ACTA2: variants seen among roughly 807,000 people sequenced by gnomAD.
ACTA2 encodes the protein actin alpha 2, smooth muscle.
In ACTA2, 12 loss-of-function variants were observed where a neutral mutation model predicts 39.5. The observed-to-expected ratio is 0.30, with a 90% CI of 0.19 to 0.49. The LOEUF is 0.49. Ranked by LOEUF, ACTA2 falls within the 20% of genes least tolerant of loss-of-function variation. The pLI is 0.99. For missense variants in ACTA2, 236 were observed against 498.8 expected (o/e 0.47, Z 5.02); for synonymous variants, 158 against 180.6 (o/e 0.88, Z 1.00).
At chr10:88,972,034 A>G (rs549449822) in intron 1 of ACTA2, among the ~76,000 whole-genome samples, 1 of 151,746 alleles carries the variant, frequency 6.6e-6, no homozygotes, top group East Asian at 1.9e-4. Flanking sequence ...TCAGTCTCCT[A>G]AGGAGCTGGG....
intron 1 of ACTA2, among the ~76,000 whole-genome samples, chr10:88,981,757 T>C (rs1010424942): frequency 6.6e-6 from 1 of 152,176 alleles, no homozygotes; most frequent in African/African-American, 2.4e-5. Flanking sequence ...TCCCAGATAC[T>C]ACGTGTTTCA....
chr10:88,942,949 T>G (rs1050739310), intron 4 of ACTA2, among the ~76,000 whole-genome samples: 2 of 152,200 alleles, frequency 1.3e-5, no homozygotes, highest in African/African-American at 4.8e-5. Flanking sequence ...TGGAAGATCG[T>G]GGATCAATCC....
intron 1 of ACTA2, among the ~76,000 whole-genome samples, chr10:88,949,631 G>A (rs1846014605): frequency 6.6e-6 from 1 of 152,176 alleles, no homozygotes. Context: ...AGTCCAACAA[G>A]TGAGGGTGAG....
At chr10:88,988,145 C>T (rs1043102464) in intron 1 of ACTA2, among the ~76,000 whole-genome samples, 3 of 152,070 alleles carry the variant, frequency 2.0e-5, no homozygotes, top group Non-Finnish European at 2.9e-5. Flanking sequence ...TTCTATTTCT[C>T]TAGAGAACCC....
At position 88,938,074 on chromosome 10, in the gene ACTA2, G is replaced by T. The variant is rs777832794; in HGVS notation, c.977C>A (p.Thr326Asn). The change falls in exon 8 of 9, where the codon ACC becomes AAC. Residue 326 changes from threonine (T) to asparagine (N), a missense_variant. Thr to Asn is a moderately conservative substitution (Grantham distance 65). Transcript: ENST00000224784. ...ACTGAACAGTACCTTGATCTTCATGGTGCTGGGTGCTAGGGCCGTGATCTC... is the reference window on the plus strand; with the variant it reads ...ACTGAACAGTACCTTGATCTTCATGTTGCTGGGTGCTAGGGCCGTGATCTC... ...QKEITALAPS[T>N]MKIKIIAPPE... 3.2e-5 allele frequency: 52 copies of T among 1,613,824 alleles called. No homozygotes were observed. The highest frequency in any genetic ancestry group is 4.2e-5 in the Non-Finnish European group (50 of 1,179,904).
intron 8 of ACTA2, among the ~76,000 whole-genome samples, chr10:88,937,574 C>A (rs972266043): frequency 6.6e-6 from 1 of 152,130 alleles, no homozygotes; most frequent in Non-Finnish European, 1.5e-5. Flanking sequence ...AAAAGATGTG[C>A]TAGACAGAGG....
chr10:88,986,903 G>T (rs1926199), intron 1 of ACTA2, among the ~76,000 whole-genome samples: 83,608 of 151,732 alleles, frequency 0.55, 24,525 homozygotes, highest in African/African-American at 0.77. Flanking sequence ...CAATGTAAAA[G>T]TAAAAATTAG....
chr10:88,972,515 C>T (rs1846470874), intron 1 of ACTA2, among the ~76,000 whole-genome samples: 1 of 151,678 alleles, frequency 6.6e-6, no homozygotes, highest in Non-Finnish European at 1.5e-5. Flanking sequence ...TTTTGTTGTT[C>T]TCTTTCTTCT....
chr10:88,989,519 C>A (rs751419200), intron 1 of ACTA2: 14 of 544,046 alleles, frequency 2.6e-5, no homozygotes, highest in Non-Finnish European at 7.3e-6. Flanking sequence ...TTCCTCATGG[C>A]ACTAACAGTC....
chr10:88,985,662 C>G (rs1846859783), intron 1 of ACTA2, among the ~76,000 whole-genome samples: 1 of 152,252 alleles, frequency 6.6e-6, no homozygotes, highest in African/African-American at 2.4e-5. Context: ...CCCCATCCCA[C>G]TCCCTGGCAC....
At chr10:88,955,119 G>C (rs1235199622), upstream of ACTA2, among the ~76,000 whole-genome samples, 1 of 151,242 alleles carries the variant, frequency 6.6e-6, no homozygotes, top group South Asian at 2.1e-4. Context: ...CCAAGCTAAA[G>C]AACATATCCA....
chr10:88,968,572 G>A (rs1293110362), intron 1 of ACTA2, among the ~76,000 whole-genome samples: 1 of 152,196 alleles, frequency 6.6e-6, no homozygotes, highest in Non-Finnish European at 1.5e-5. Flanking sequence ...TAGAGAGGAA[G>A]AGAAAATTCT....
At chr10:88,949,890 TA>T (rs1337900964) in intron 1 of ACTA2, among the ~76,000 whole-genome samples, 3 of 152,202 alleles carry the variant, frequency 2.0e-5, no homozygotes, top group East Asian at 1.9e-4. Context: ...GGTTCTGTCA[TA>T]TTTTTTTAAT....
chr10:88,961,032 G>A (rs1487467854), intron 1 of ACTA2, among the ~76,000 whole-genome samples: 1 of 152,072 alleles, frequency 6.6e-6, no homozygotes, highest in South Asian at 2.1e-4. Context: ...TAGAAGCCTG[G>A]TCACACCCAG....
At chr10:88,962,693 T>A (rs1589409477) in intron 1 of ACTA2, among the ~76,000 whole-genome samples, 1 of 151,976 alleles carries the variant, frequency 6.6e-6, no homozygotes, top group Non-Finnish European at 1.5e-5. Context: ...AGCACGTGAT[T>A]ACCATGATGT....
chr10:88,984,061 AG>A (rs1409488411), intron 1 of ACTA2, among the ~76,000 whole-genome samples: 1 of 152,132 alleles, frequency 6.6e-6, no homozygotes, highest in East Asian at 1.9e-4. Flanking sequence ...ACCTCAGGTG[AG>A]GGGAGGGTTA....
At position 88,939,618 on chromosome 10, in the gene ACTA2, C is replaced by T. The variant is rs777810222; in HGVS notation, c.697G>A (p.Ala233Thr). Residue 233 changes from alanine to threonine, a missense_variant, in exon 7 of 9, where the codon GCA becomes ACA. Transcript: ENST00000224784. Reference protein sequence around the residue: ...LDFENEMATAASSSSLEKSYE... With the variant: ...LDFENEMATATSSSSLEKSYE... ...CTCTTCTCAAGGGAGGATGAGGATG[C>T]GGCAGTGGCCATCTCATTTTCAAAG... 35 of 1,613,950 alleles carry T rather than the reference C, an allele frequency of 2.2e-5. No homozygotes were observed. Among genetic ancestry groups the T allele is most frequent in the South Asian group, 4.4e-5 (4 of 91,082 alleles).
At chr10:88,987,096 G>A (rs1338208119) in intron 1 of ACTA2, among the ~76,000 whole-genome samples, 1 of 152,162 alleles carries the variant, frequency 6.6e-6, no homozygotes, top group African/African-American at 2.4e-5. Context: ...TTAATTGGTA[G>A]AAATAATTAT....
Position 88,935,214 on chromosome 10 carries a change from G to C in ACTA2, c.*9C>G, listed in dbSNP as rs1394525493. 1.1e-5 allele frequency: 18 copies of C among 1,612,514 alleles called. No homozygotes were observed. Among genetic ancestry groups the C allele is most frequent in the Non-Finnish European group, 1.4e-5 (17 of 1,179,672 alleles). On this transcript the variant is annotated 3_prime_UTR_variant, in exon 9 of 9. Transcript: ENST00000224784. ...GTGTGCTAGAGACAGAGAGGAGCAG[G>C]AAAGTGTTTTAGAAGCATTTGCGGT...
Sources: gnomAD v4.1 joint callset for allele counts (sites outside exome capture counted in the v4.1 genomes callset) on GRCh38, gnomAD v4.1.1 for gene constraint, MANE v1.5 for transcripts, NCBI Gene and HGNC (gene_info 2026-07-23, HGNC 2026-07-21) for gene names.